The following ZBTB40 variants were observed in gnomAD, a reference collection of about 807,000 sequenced individuals.
The protein encoded by ZBTB40 is zinc finger and BTB domain-containing protein 40.
A neutral mutation model predicts 117.5 loss-of-function variants in ZBTB40; 60 were observed. The observed-to-expected ratio is 0.51, with a 90% confidence interval of 0.41 to 0.63. The LOEUF (loss-of-function observed/expected upper bound fraction) is 0.63. ZBTB40 is among the 30% of genes least tolerant of loss of function. The pLI, the probability that ZBTB40 is intolerant of heterozygous loss-of-function variation, is 0.00. For missense variants in ZBTB40, 1,287 were observed against 1,498.5 expected (o/e 0.86, Z 2.33); for synonymous variants, 525 against 577.1 (o/e 0.91, Z 1.29).
At chr1:22,432,636 G>A (rs1013527800) in intron 1 of ZBTB40, among the ~76,000 whole-genome samples, 1 of 152,128 alleles carries the variant, frequency 6.6e-6, no homozygotes, top group African/African-American at 2.4e-5. Context: ...TGTTGCTTTC[G>A]AGGTCTCTAT....
At chr1:22,432,023 A>G (rs1396155577) in intron 1 of ZBTB40, among the ~76,000 whole-genome samples, 2 of 152,048 alleles carry the variant, frequency 1.3e-5, no homozygotes, top group African/African-American at 4.8e-5. Flanking sequence ...TTATTCTTGC[A>G]TAGTTCTGGA....
At chr1:22,454,394 T>G (rs1421298027) in intron 1 of ZBTB40, among the ~76,000 whole-genome samples, 1 of 152,084 alleles carries the variant, frequency 6.6e-6, no homozygotes, top group Non-Finnish European at 1.5e-5. Context: ...ACAAAGTTAT[T>G]CCAAATTGTG....
intron 1 of ZBTB40, among the ~76,000 whole-genome samples, chr1:22,489,240 G>A (rs560995045): frequency 1.3e-5 from 2 of 152,306 alleles, no homozygotes; most frequent in East Asian, 3.9e-4. Flanking sequence ...GGAATCAGAA[G>A]AGAGGGAAGG....
In ZBTB40 at chr1:22,508,521, A is replaced by G; in HGVS notation, c.1498-9A>G. ...TCTCTTACGTGAGTGTTTGTGTTAC[A>G]TCTTGAAGGTCATGGAGAAGCTTGT... On this transcript the variant is annotated splice_polypyrimidine_tract_variant and intron_variant, in intron 7 of 17. Transcript: ENST00000375647. 6.2e-7 allele frequency: 1 copy of G among 1,614,152 alleles called. No homozygotes were observed. Among genetic ancestry groups the G allele is most frequent in the Non-Finnish European group, 8.5e-7 (1 of 1,180,016 alleles).
intron 1 of ZBTB40, among the ~76,000 whole-genome samples, chr1:22,431,004 G>A (rs1315000819): frequency 6.6e-6 from 1 of 151,872 alleles, no homozygotes; most frequent in East Asian, 1.9e-4. Flanking sequence ...TTCTGGGTTT[G>A]TGGATGAAGT....
chr1:22,496,436 A>G (rs1172879760), intron 3 of ZBTB40, among the ~76,000 whole-genome samples: 4 of 151,980 alleles, frequency 2.6e-5, no homozygotes, highest in Non-Finnish European at 5.9e-5. Flanking sequence ...TAGGCATGGG[A>G]ATATCAGAGA....
At chr1:22,521,385 C>G in intron 14 of ZBTB40, 111 bp from the exon 15 acceptor site, 1 of 1,377,738 alleles carries the variant, frequency 7.3e-7, no homozygotes, top group Non-Finnish European at 1.0e-6. Context: ...GTGTGTGATA[C>G]TAGAAACGTC....
intron 4 of ZBTB40, 29 bp from the exon 5 acceptor site, chr1:22,502,270 T>A: frequency 6.2e-7 from 1 of 1,608,318 alleles, no homozygotes; most frequent in South Asian, 1.1e-5. Context: ...CTAGCTTCTC[T>A]TGTGTGTCTC....
chr1:22,450,903 C>A (rs1210449074), upstream of ZBTB40, among the ~76,000 whole-genome samples: 3 of 152,260 alleles, frequency 2.0e-5, no homozygotes, highest in East Asian at 5.8e-4. Context: ...GGGCACGTAA[C>A]TGTCAGGGAC....
intron 1 of ZBTB40, among the ~76,000 whole-genome samples, chr1:22,486,492 C>T (rs1193685582): frequency 6.6e-6 from 1 of 152,190 alleles, no homozygotes; most frequent in Non-Finnish European, 1.5e-5. Context: ...TTCCCTCTCC[C>T]GCTGCTGGAA....
At chr1:22,511,610 A>G (rs1176880974) in intron 10 of ZBTB40, 66 bp from the exon 11 acceptor site, 1 of 1,547,230 alleles carries the variant, frequency 6.5e-7, no homozygotes, top group Non-Finnish European at 8.8e-7. Flanking sequence ...GAAGTGTGTT[A>G]GAAACGTTAT....
rs1639405372 is a variant in ZBTB40, at chr1:22,517,517, A to G, written c.2833+53A>G. 5.7e-6 allele frequency: 9 copies of G among 1,584,090 alleles called. No homozygotes were observed. In the South Asian group the frequency reaches 7.9e-5, roughly 14 times the overall value. ...CTCAGTGCCAGCCTGGCACTGGGAA[A>G]GCGTGTCAATTGCAGCAGAGGTGTC... is the stretch of plus-strand genomic sequence containing the variant. On this transcript the variant is annotated intron_variant, in intron 13 of 17. Coordinates refer to ENST00000375647, the MANE Select transcript of ZBTB40 (RefSeq NM_014870.4).
At chr1:22,446,004 T>C (rs944109715) in intron 1 of ZBTB40, among the ~76,000 whole-genome samples, 2 of 152,054 alleles carry the variant, frequency 1.3e-5, no homozygotes, top group African/African-American at 4.8e-5. Context: ...ATTAACATGC[T>C]AAGAACTCTA....
At chr1:22,454,010 C>T (rs1640946204) in intron 1 of ZBTB40, among the ~76,000 whole-genome samples, 1 of 152,066 alleles carries the variant, frequency 6.6e-6, no homozygotes, top group Non-Finnish European at 1.5e-5. Flanking sequence ...AGTGCAGTGG[C>T]ACAATCTCGG....
At chr1:22,486,950 G>A (rs1187214509) in intron 1 of ZBTB40, among the ~76,000 whole-genome samples, 1 of 152,078 alleles carries the variant, frequency 6.6e-6, no homozygotes, top group Non-Finnish European at 1.5e-5. Context: ...GACCAGGCTG[G>A]TCTCGAACTC....
upstream of ZBTB40, among the ~76,000 whole-genome samples, chr1:22,451,229 G>A (rs1024843768): frequency 3.3e-5 from 5 of 152,230 alleles, no homozygotes; most frequent in Admixed American, 1.3e-4. Context: ...CTGGGGACGC[G>A]GCTCAGGTCG....
At chr1:22,482,348 A>T (rs1274124547) in intron 1 of ZBTB40, among the ~76,000 whole-genome samples, 5 of 152,176 alleles carry the variant, frequency 3.3e-5, no homozygotes, top group African/African-American at 9.7e-5. Context: ...TTTGAGGTAC[A>T]TGCAAAATTA....
chr1:22,492,123 T>C (rs921507212), intron 3 of ZBTB40, among the ~76,000 whole-genome samples: 9 of 152,194 alleles, frequency 5.9e-5, no homozygotes, highest in Non-Finnish European at 4.4e-5. Flanking sequence ...ATGAGAAAAC[T>C]GTCTCAAAGA....
rs1638576115 is a variant in ZBTB40, at chr1:22,489,960, C to G, written c.12C>G (p.Pro4=). The G allele has an allele frequency of 1.2e-6, 2 of 1,611,748 alleles. No individual in the cohort carries two copies. The highest frequency in any genetic ancestry group is 2.2e-5 in the South Asian group (2 of 91,010). MEL[P]NYSRQLLQQL... is the part of the protein sequence containing the mutation. ...GCAGAGTTGACGCAATGGAGCTCCC[C>G]AACTACAGCCGGCAGCTGCTGCAGC... is the stretch of plus-strand genomic sequence containing the variant. The change falls in exon 2 of 18, where the codon CCC becomes CCG. Residue 4 remains proline, a synonymous_variant. Transcript: ENST00000375647.
Sources: gnomAD v4.1 joint callset for allele counts (sites outside exome capture counted in the v4.1 genomes callset) on GRCh38, gnomAD v4.1.1 for gene constraint, MANE v1.5 for transcripts, NCBI Gene and HGNC (gene_info 2026-07-23, HGNC 2026-07-21) for gene names.